Variants in CEP350 observed in about 807,000 individuals in gnomAD.
The protein encoded by CEP350 is centrosomal protein 350.
Under a neutral mutation model 331.8 loss-of-function variants are expected in CEP350, and 126 were observed. The observed-to-expected ratio is 0.38, with a 90% CI of 0.33 to 0.44. The LOEUF (loss-of-function observed/expected upper bound fraction) is 0.44, where lower values mean the gene tolerates loss of function less well. Among genes scored for constraint, CEP350 ranks in the 20% least tolerant of loss-of-function variants. The pLI is 1.00. For missense variants in CEP350, 3,406 were observed against 3,634.6 expected, an observed-to-expected ratio of 0.94 and a Z score of 1.62; for synonymous variants, 1,200 against 1,259.5, an observed-to-expected ratio of 0.95 and a Z score of 1.00.
intron 16 of CEP350, among the ~76,000 whole-genome samples, chr1:180,034,932 C>T (rs1013375228): frequency 1.3e-5 from 2 of 152,052 alleles, no homozygotes; most frequent in Non-Finnish European, 1.5e-5. Flanking sequence ...AGCTTAGTGA[C>T]GAAGGGATGT....
intron 37 of CEP350, among the ~76,000 whole-genome samples, chr1:180,104,913 C>T (rs1197548451): frequency 6.6e-6 from 1 of 152,132 alleles, no homozygotes. Flanking sequence ...CCGCATTATA[C>T]ATTTTCTCTA....
At chr1:180,025,414 A>G (rs1166490756) in intron 14 of CEP350, among the ~76,000 whole-genome samples, 1 of 152,124 alleles carries the variant, frequency 6.6e-6, no homozygotes, top group African/African-American at 2.4e-5. Context: ...TAGCTGACTC[A>G]TTGGCATTCA....
intron 37 of CEP350, among the ~76,000 whole-genome samples, chr1:180,101,488 A>G (rs114614449): frequency 3.2e-4 from 49 of 152,118 alleles, no homozygotes; most frequent in African/African-American, 1.1e-3. Flanking sequence ...CACTTCCTCT[A>G]CTCTCACATT....
chr1:180,105,673 G>A (rs1661103161), intron 37 of CEP350, among the ~76,000 whole-genome samples: 2 of 152,186 alleles, frequency 1.3e-5, no homozygotes, highest in African/African-American at 2.4e-5. Context: ...TTAATGTGGT[G>A]TATCATATTT....
In CEP350 at chr1:180,094,474, G is replaced by A. The variant is rs1218023067; in HGVS notation, c.8369G>A (p.Gly2790Asp). The change falls in exon 34 of 38, where the codon GGT becomes GAT. Residue 2790 changes from glycine to aspartate, a missense_variant. Around this residue, in one of 5 missense-constraint regions of CEP350, gnomAD observed 1,415 missense variants for 1,512.3 expected, o/e 0.94. Coordinates refer to ENST00000367607, the MANE Select transcript of CEP350 (RefSeq NM_014810.5). ...CAGCTTAGCAATCAGGAGCTTCTTG[G>A]TGATGACCAAAAGAAAGTAACACCC... ...KIQLSNQELLGDDQKKVTPQD... is the reference protein window; with the variant it reads ...KIQLSNQELLDDDQKKVTPQD... The A allele has an allele frequency of 1.9e-6, 3 of 1,613,862 alleles. No individual in the cohort carries two copies. The highest frequency in any genetic ancestry group is 2.5e-6 in the Non-Finnish European group (3 of 1,179,830).
intron 27 of CEP350, among the ~76,000 whole-genome samples, chr1:180,074,263 A>T (rs569796673): frequency 6.6e-6 from 1 of 152,300 alleles, no homozygotes; most frequent in Non-Finnish European, 1.5e-5. Flanking sequence ...TAAACTAAGT[A>T]ATTTTTCCTA....
intron 37 of CEP350, among the ~76,000 whole-genome samples, chr1:180,099,730 G>T (rs1276807738): frequency 6.6e-6 from 1 of 150,446 alleles, no homozygotes; most frequent in Admixed American, 6.6e-5. Flanking sequence ...AACTGTACTA[G>T]ATAACATTTG....
intron 27 of CEP350, among the ~76,000 whole-genome samples, chr1:180,066,903 TTGAA>T (rs1558137709): frequency 6.6e-6 from 1 of 152,180 alleles, no homozygotes; most frequent in East Asian, 1.9e-4. Flanking sequence ...ACAAATGTCT[TTGAA>T]TGGTAAATGT....
At chr1:180,073,993 C>G in intron 27 of CEP350, 1 of 1,201,168 alleles carries the variant, frequency 8.3e-7, no homozygotes, top group Non-Finnish European at 1.1e-6. Flanking sequence ...CTCTCTCTCT[C>G]TCTTTTTTTT....
intron 26 of CEP350, among the ~76,000 whole-genome samples, chr1:180,062,791 C>A (rs1208173934): frequency 2.0e-5 from 3 of 152,194 alleles, no homozygotes; most frequent in African/African-American, 7.2e-5. Context: ...AATTACCTTT[C>A]AAAAGTTCTA....
intron 1 of CEP350, among the ~76,000 whole-genome samples, chr1:179,974,517 T>C (rs532562125): frequency 2.1e-3 from 327 of 152,360 alleles, no homozygotes; most frequent in Non-Finnish European, 3.9e-3. Flanking sequence ...GTGGGGAGAC[T>C]GATACATATA....
intron 27 of CEP350, among the ~76,000 whole-genome samples, chr1:180,065,870 A>G (rs188860590): frequency 7.8e-4 from 119 of 152,200 alleles, no homozygotes; most frequent in Admixed American, 7.6e-3. Flanking sequence ...TTTTATAGAA[A>G]TTAAAGAAAT....
chr1:180,001,455 C>T (rs912746442), intron 6 of CEP350, among the ~76,000 whole-genome samples: 15 of 152,172 alleles, frequency 9.9e-5, no homozygotes, highest in African/African-American at 3.1e-4. Flanking sequence ...GATGGGGTTT[C>T]GCCATGTTGG....
intron 33 of CEP350, among the ~76,000 whole-genome samples, chr1:180,091,233 G>A (rs76870478): frequency 0.035 from 5,357 of 151,418 alleles, 181 homozygotes; most frequent in African/African-American, 0.072. Flanking sequence ...TGCCCAGGCT[G>A]GTCTCGAACT....
chr1:179,961,641 A>C (rs1018210292), intron 1 of CEP350, among the ~76,000 whole-genome samples: 2 of 152,150 alleles, frequency 1.3e-5, no homozygotes, highest in African/African-American at 4.8e-5. Context: ...TCCAGCTTTA[A>C]TACGGTTTGT....
chr1:180,084,963 C>A (rs964371472), intron 31 of CEP350, among the ~76,000 whole-genome samples: 8 of 151,758 alleles, frequency 5.3e-5, no homozygotes, highest in African/African-American at 1.9e-4. Flanking sequence ...GGTGTCTATA[C>A]CCTTGTAAGC....
At position 180,014,123 on chromosome 1, in the gene CEP350, C is replaced by T; in HGVS notation, c.1670C>T (p.Ser557Leu). 6.2e-7 allele frequency: 1 copy of T among 1,610,472 alleles called. No homozygotes were observed. Among genetic ancestry groups the T allele is most frequent in the Non-Finnish European group, 8.5e-7 (1 of 1,178,266 alleles). The stretch of plus-strand genomic sequence containing the variant: ...GTAGAGTTACAGAACCAGAAGTCAT[C>T]AGCACCAGTACATGCTCCTAGGAGT... ...DTVELQNQKSSAPVHAPRSHS... is the reference protein window; with the variant it reads ...DTVELQNQKSLAPVHAPRSHS... Residue 557 changes from serine to leucine, a missense_variant, in exon 10 of 38, where the codon TCA (serine) becomes TTA (leucine). Ser to Leu is a moderately radical substitution (Grantham distance 145). Coordinates refer to ENST00000367607, the MANE Select transcript of CEP350 (RefSeq NM_014810.5).
intron 28 of CEP350, among the ~76,000 whole-genome samples, chr1:180,077,671 T>TAAAAAAAAAAAAAAAA (rs3067269): frequency 4.1e-5 from 4 of 97,220 alleles, no homozygotes; most frequent in Admixed American, 1.3e-4. Context: ...TCTCAAAAAG[T>TAAAAAAAAAAAAAAAA]AAAAAAAAAA....
intron 12 of CEP350, 98 bp from the exon 13 acceptor site, chr1:180,022,600 T>C: frequency 1.1e-6 from 1 of 949,676 alleles, no homozygotes; most frequent in East Asian, 2.6e-5. Flanking sequence ...AACTAAAATG[T>C]CCCTAAGCCC....
Sources: allele counts gnomAD v4.1 joint callset (sites outside exome capture counted in the v4.1 genomes callset), GRCh38; gene constraint gnomAD v4.1.1; regional missense constraint gnomAD v4.1.1; transcripts MANE v1.5; gene names NCBI Gene and HGNC (gene_info 2026-07-23, HGNC 2026-07-21).